The following BRD4 variants were observed in gnomAD, a reference collection of about 807,000 sequenced individuals.
The protein encoded by BRD4 is bromodomain-containing protein 4.
In BRD4, 16 loss-of-function variants were observed where a neutral mutation model predicts 142.1. That is an observed-to-expected ratio of 0.11 (90% CI 0.08 to 0.17). The LOEUF is 0.17. Ranked by LOEUF, BRD4 falls within the 10% of genes least tolerant of loss-of-function variation. The pLI is 1.00. For synonymous variants in BRD4, 833 were observed against 707.5 expected (o/e 1.18, Z -2.82); for missense variants, 1,424 against 1,810.9 (o/e 0.79, Z 3.88).
At chr19:15,301,941 A>G (rs1465383885) in intron 1 of BRD4, among the ~76,000 whole-genome samples, 1 of 150,422 alleles carries the variant, frequency 6.6e-6, no homozygotes. Context: ...ATGAGGCAGG[A>G]GTATCATTTG....
rs545167850 is a variant in BRD4 at position 15,289,513 on chromosome 19, T to C, written c.-34-16380A>G. Among the ~76,000 whole-genome samples the C allele has an allele frequency of 3.9e-5, 6 of 152,226 alleles. No individual in the cohort carries two copies. The East Asian group carries it at 1.2e-3, about 29-fold the overall frequency. ...TTGCGATGAGCCGAGATCGCGCCAC[T>C]GCACTCCAGCCTGGGCAACAAGAGC... On this transcript the variant is annotated intron_variant, in intron 1 of 19. Coordinates refer to ENST00000679869, the MANE Select transcript of BRD4 (RefSeq NM_001379291.1).
At chr19:15,304,231 G>T (rs539725335) in intron 1 of BRD4, among the ~76,000 whole-genome samples, 1 of 152,094 alleles carries the variant, frequency 6.6e-6, no homozygotes, top group Non-Finnish European at 1.5e-5. Context: ...ATCTCCAGCC[G>T]TCTGTTTGTT....
Position 15,247,796 on chromosome 19 carries a change from G to A in BRD4, c.2159-3034C>T, listed in dbSNP as rs553641647. The A allele has an allele frequency of 9.0e-5, 21 of 232,616 alleles. No individual in the cohort carries two copies. In the South Asian group the frequency reaches 3.4e-3, roughly 38 times the overall value. 14.4% of individuals were successfully genotyped at this position (232,616 alleles called of 1,614,324 possible). A position where few individuals can be genotyped will look rare whatever the true frequency, so the allele number is the denominator to read the frequency against. ...AGGGCAGCTGAGAATAGTTTGTTTG[G>A]CAAACAGAGCTTAACTGGAAGCTGG... is the stretch of plus-strand genomic sequence containing the variant. On this transcript the variant is annotated intron_variant, in intron 11 of 19. Transcript: ENST00000679869.
intron 1 of BRD4, among the ~76,000 whole-genome samples, chr19:15,293,167 CTGA>C (rs1188660038): frequency 1.3e-5 from 2 of 152,182 alleles, no homozygotes; most frequent in African/African-American, 4.8e-5. Flanking sequence ...AAAAGATTAG[CTGA>C]ACCTCAGGTG....
At chr19:15,303,415 G>C (rs2047888274) in intron 1 of BRD4, among the ~76,000 whole-genome samples, 1 of 152,096 alleles carries the variant, frequency 6.6e-6, no homozygotes, top group Non-Finnish European at 1.5e-5. Flanking sequence ...ATGGGGCGGG[G>C]GGAGAAGACG....
intron 1 of BRD4, among the ~76,000 whole-genome samples, chr19:15,283,986 G>A (rs2095344596): frequency 6.6e-6 from 1 of 152,158 alleles, no homozygotes. Flanking sequence ...GAGAGATGGA[G>A]CCAGGAACAG....
chr19:15,305,950 CT>C (rs1480512963), intron 1 of BRD4, among the ~76,000 whole-genome samples: 2 of 152,200 alleles, frequency 1.3e-5, no homozygotes, highest in African/African-American at 4.8e-5. Context: ...GGCTTCTTTC[CT>C]TAAACCTCAT....
At chr19:15,289,654 C>T (rs1210683021) in intron 1 of BRD4, among the ~76,000 whole-genome samples, 4 of 146,926 alleles carry the variant, frequency 2.7e-5, no homozygotes, top group Non-Finnish European at 6.0e-5. Context: ...AAAGTAATTG[C>T]GGTTTTGATC....
At chr19:15,302,990 A>G (rs2047883845) in intron 1 of BRD4, among the ~76,000 whole-genome samples, 1 of 148,918 alleles carries the variant, frequency 6.7e-6, no homozygotes, top group Admixed American at 6.8e-5. Context: ...CCTGGGCCAC[A>G]GAGCGAGACT....
chr19:15,322,097 G>C lies in BRD4; in HGVS notation c.-35+10193C>G, dbSNP rs116349496. ...GAAACCAATGTAATTCAACTCCTCTGACATGACCCCCCCATAAGAAACACA... is the reference window on the plus strand; with the variant it reads ...GAAACCAATGTAATTCAACTCCTCTCACATGACCCCCCCATAAGAAACACA... On this transcript the variant is annotated intron_variant, in intron 1 of 19. Coordinates refer to ENST00000679869, the MANE Select transcript of BRD4 (RefSeq NM_001379291.1). Among the ~76,000 whole-genome samples the C allele has an allele frequency of 9.7e-4, 148 of 152,126 alleles. 1 individual carries two copies. Among genetic ancestry groups the C allele is most frequent in the African/African-American group, 3.4e-3 (142 of 41,502 alleles).
rs73508410 is a variant in BRD4, at chr19:15,257,281, G to A, written c.1342-108C>T. The A allele has an allele frequency of 0.012, 13,180 of 1,073,162 alleles. 420 individuals carry two copies. The highest frequency in any genetic ancestry group is 0.11 in the African/African-American group (6,849 of 63,808). The allele number at this position is 1,073,162 out of a possible 1,614,324, so 66.5% of individuals were successfully genotyped here. ...GCCAACTCAACAGAAAGCAACCGAG[G>A]GCGAAAGAGGATGGTGATCCTGTCT... is the stretch of plus-strand genomic sequence containing the variant. On this transcript the variant is annotated intron_variant, in intron 7 of 19. Coordinates refer to ENST00000679869, the MANE Select transcript of BRD4 (RefSeq NM_001379291.1).
chr19:15,256,345 A>C, intron 8 of BRD4, 82 bp from the exon 9 acceptor site: 7 of 1,529,264 alleles, frequency 4.6e-6, no homozygotes, highest in South Asian at 2.5e-5. Context: ...TGCTCCAAAA[A>C]ACATGCGACA....
intron 1 of BRD4, among the ~76,000 whole-genome samples, chr19:15,312,400 G>A (rs545714123): frequency 5.9e-5 from 9 of 152,224 alleles, no homozygotes; most frequent in Admixed American, 3.3e-4. Flanking sequence ...CTGGGAGGCC[G>A]AGGCGGGCAG....
chr19:15,282,923 G>A (rs955588522), intron 1 of BRD4, among the ~76,000 whole-genome samples: 1 of 152,132 alleles, frequency 6.6e-6, no homozygotes, highest in Non-Finnish European at 1.5e-5. Context: ...CTATGATCAT[G>A]TCACTGCACT....
At chr19:15,299,201 G>A (rs1189356626) in intron 1 of BRD4, among the ~76,000 whole-genome samples, 1 of 152,176 alleles carries the variant, frequency 6.6e-6, no homozygotes, top group Non-Finnish European at 1.5e-5. Context: ...TCTTAAGGGA[G>A]AAGGCCCCAT....
chr19:15,276,362 TC>T (rs1568394328), intron 1 of BRD4, among the ~76,000 whole-genome samples: 2 of 151,784 alleles, frequency 1.3e-5, no homozygotes, highest in African/African-American at 4.8e-5. Context: ...CCACAGCGGT[TC>T]CCCCCAACCC....
chr19:15,326,593 C>A (rs547518642), intron 1 of BRD4, among the ~76,000 whole-genome samples: 1 of 152,174 alleles, frequency 6.6e-6, no homozygotes, highest in Non-Finnish European at 1.5e-5. Flanking sequence ...ATTAAGAGAT[C>A]ATTTTTAACC....
At chr19:15,262,439 A>G (rs902605026) in intron 7 of BRD4, among the ~76,000 whole-genome samples, 1 of 151,648 alleles carries the variant, frequency 6.6e-6, no homozygotes, top group Non-Finnish European at 1.5e-5. Context: ...CTCTAATCCC[A>G]GCACTCTGAG....
intron 11 of BRD4, among the ~76,000 whole-genome samples, chr19:15,251,093 G>GCTA (rs1275564777): frequency 6.6e-6 from 1 of 152,170 alleles, no homozygotes; most frequent in Non-Finnish European, 1.5e-5. Flanking sequence ...GCATGCTGCT[G>GCTA]GGGCAGAGGG....
Sources: gnomAD v4.1 joint callset for allele counts (sites outside exome capture counted in the v4.1 genomes callset) on GRCh38, gnomAD v4.1.1 for gene constraint, MANE v1.5 for transcripts, NCBI Gene and HGNC (gene_info 2026-07-23, HGNC 2026-07-21) for gene names.